MDGA2: variants seen among roughly 807,000 people sequenced by gnomAD.
The protein encoded by MDGA2 is MAM domain containing glycosylphosphatidylinositol anchor 2, also known as MAM domain-containing glycosylphosphatidylinositol anchor protein 2.
Under a neutral mutation model 117.8 loss-of-function variants are expected in MDGA2, and 40 were observed. That is an observed-to-expected ratio of 0.34 (90% CI 0.26 to 0.44). The LOEUF is 0.44. MDGA2 is among the 20% of genes least tolerant of loss of function. MDGA2 has a pLI of 1.00. For synonymous variants in MDGA2, 452 were observed against 439.0 expected (o/e 1.03, Z -0.37); for missense variants, 1,123 against 1,250.6 (o/e 0.90, Z 1.54).
intron 1 of MDGA2, among the ~76,000 whole-genome samples, chr14:47,664,226 A>T (rs944128706): frequency 6.6e-5 from 10 of 152,234 alleles, no homozygotes; most frequent in African/African-American, 2.2e-4. Context: ...TAAAGTGTTT[A>T]AAAATACTCA....
Position 46,877,557 on chromosome 14 carries a change from A to G in MDGA2, c.2417-48T>C, listed in dbSNP as rs751405859. ...AAACAAACAAAAAAACAATGTTAGCATGGCTTGAATGTCTTTTATAAATAA... is the reference window on the plus strand; with the variant it reads ...AAACAAACAAAAAAACAATGTTAGCGTGGCTTGAATGTCTTTTATAAATAA... On this transcript the variant is annotated intron_variant, in intron 11 of 16. Transcript: ENST00000399232. 3 of 1,316,342 alleles carry G rather than the reference A, an allele frequency of 2.3e-6. 1 individual carries two copies. In the South Asian group the frequency reaches 4.0e-5, roughly 18 times the overall value. The allele number at this position is 1,316,342 out of a possible 1,614,324, so 81.5% of individuals were successfully genotyped here. A position where few individuals can be genotyped will look rare whatever the true frequency, so the allele number is the denominator to read the frequency against.
chr14:47,160,732 G>A lies in MDGA2; in HGVS notation c.596-16458C>T, dbSNP rs1199231421. Reference sequence around the variant, plus strand: ...TAAAACTCTGCTGGGATTGTTCATTGAGAATCAATTAAATTCACATATAAA... The same window carrying A: ...TAAAACTCTGCTGGGATTGTTCATTAAGAATCAATTAAATTCACATATAAA... On this transcript the variant is annotated intron_variant, in intron 3 of 16. Transcript: ENST00000399232. 2.6e-5 allele frequency among the ~76,000 whole-genome samples: 4 copies of A among 152,294 alleles called. 1 individual carries two copies. The highest frequency in any genetic ancestry group is 4.1e-4 in the South Asian group (2 of 4,824).
At chr14:46,873,967 A>T in intron 13 of MDGA2, 78 bp downstream of exon 13, 1 of 1,149,030 alleles carries the variant, frequency 8.7e-7, no homozygotes, top group East Asian at 2.7e-5. Context: ...ATATATGGCT[A>T]AATATTAGTA....
chr14:47,133,158 T>A (rs1222114936), intron 4 of MDGA2, among the ~76,000 whole-genome samples: 1 of 151,684 alleles, frequency 6.6e-6, no homozygotes, highest in Admixed American at 6.6e-5. Context: ...CAATTTTTGT[T>A]TAGAAGAAAC....
At chr14:47,031,535 T>A (rs975690706) in intron 8 of MDGA2, among the ~76,000 whole-genome samples, 3 of 152,078 alleles carry the variant, frequency 2.0e-5, no homozygotes, top group Admixed American at 1.3e-4. Context: ...ATGGAAGAAA[T>A]CTGTATGCAG....
intron 1 of MDGA2, among the ~76,000 whole-genome samples, chr14:47,476,927 C>T (rs1326162122): frequency 6.6e-6 from 1 of 151,908 alleles, no homozygotes; most frequent in African/African-American, 2.4e-5. Flanking sequence ...TTTGGGAGGC[C>T]GAGGCGGGTG....
At chr14:47,168,482 T>C (rs934535402) in intron 3 of MDGA2, among the ~76,000 whole-genome samples, 2 of 152,044 alleles carry the variant, frequency 1.3e-5, no homozygotes, top group Admixed American at 1.3e-4. Flanking sequence ...TCTCAACTGA[T>C]ATAAGCTATT....
chr14:47,265,886 T>C (rs1419611951), intron 2 of MDGA2, among the ~76,000 whole-genome samples: 1 of 152,012 alleles, frequency 6.6e-6, no homozygotes, highest in Non-Finnish European at 1.5e-5. Flanking sequence ...AAAAAGCAAA[T>C]CACAAATCAC....
At chr14:47,546,530 A>G (rs547263240) in intron 1 of MDGA2, among the ~76,000 whole-genome samples, 16 of 152,198 alleles carry the variant, frequency 1.1e-4, no homozygotes, top group Non-Finnish European at 2.2e-4. Context: ...GAACCATCAT[A>G]TTTCTATGGG....
At chr14:47,444,119 C>T (rs1893071228) in intron 1 of MDGA2, 1 of 201,892 alleles carries the variant, frequency 5.0e-6, no homozygotes, top group African/African-American at 2.3e-5. Flanking sequence ...GAAAAATAAT[C>T]CCCAGGATTT....
At chr14:47,287,884 A>T (rs1418612541) in intron 2 of MDGA2, among the ~76,000 whole-genome samples, 1 of 152,124 alleles carries the variant, frequency 6.6e-6, no homozygotes, top group Non-Finnish European at 1.5e-5. Context: ...GAAGACAAGC[A>T]TGTGATAACA....
At chr14:46,931,279 AAAG>A (rs1884565248) in intron 9 of MDGA2, among the ~76,000 whole-genome samples, 1 of 151,702 alleles carries the variant, frequency 6.6e-6, no homozygotes, top group Non-Finnish European at 1.5e-5. Context: ...AGCTGGTAGG[AAAG>A]AAGGAGTAAT....
rs538934471 is a variant in MDGA2, at chr14:47,134,803, C to G, written c.793-2957G>C. Among the ~76,000 whole-genome samples, 4 of 143,254 alleles carry G rather than the reference C, an allele frequency of 2.8e-5. No homozygotes were observed. In the East Asian group the frequency reaches 7.9e-4, roughly 28 times the overall value. 94.0% of individuals were successfully genotyped at this position (143,254 alleles called of 152,430 possible). ...TATATATATATATATATATCACACA[C>G]ATAATTACTCCAAAAATAACCAACC... is the stretch of plus-strand genomic sequence containing the variant. On this transcript the variant is annotated intron_variant, in intron 4 of 16. Transcript: ENST00000399232.
intron 3 of MDGA2, among the ~76,000 whole-genome samples, chr14:47,164,751 G>A (rs1369912653): frequency 5.3e-5 from 8 of 152,130 alleles, no homozygotes; most frequent in African/African-American, 1.9e-4. Flanking sequence ...CCATTACTGG[G>A]TATATACCCA....
chr14:47,056,890 T>C (rs1405248717), intron 7 of MDGA2, among the ~76,000 whole-genome samples: 1 of 145,866 alleles, frequency 6.9e-6, no homozygotes, highest in Non-Finnish European at 1.5e-5. Flanking sequence ...GTATGTGAAG[T>C]TTTTTTATTT....
At chr14:47,665,343 C>G (rs537136018) in intron 1 of MDGA2, among the ~76,000 whole-genome samples, 6 of 152,146 alleles carry the variant, frequency 3.9e-5, no homozygotes, top group Non-Finnish European at 8.8e-5. Context: ...CATGCATAAC[C>G]TCTTTGATTT....
At position 47,042,871 on chromosome 14, in the gene MDGA2, A is replaced by G. The variant is rs564215889; in HGVS notation, c.1526-7567T>C. Among the ~76,000 whole-genome samples the G allele has an allele frequency of 1.0e-3, 155 of 152,200 alleles. 1 individual carries two copies. Among genetic ancestry groups the G allele is most frequent in the African/African-American group, 3.6e-3 (150 of 41,566 alleles). ...CTGTATTTTAAAACCTCCATACATT[A>G]ATATTTGAAATATTATAATTATCAT... On this transcript the variant is annotated intron_variant, in intron 7 of 16. Coordinates refer to ENST00000399232, the MANE Select transcript of MDGA2 (RefSeq NM_001113498.3).
chr14:46,853,043 G>A (rs1359890691), intron 15 of MDGA2, among the ~76,000 whole-genome samples: 1 of 151,722 alleles, frequency 6.6e-6, no homozygotes, highest in Non-Finnish European at 1.5e-5. Context: ...ATTAGCAATA[G>A]CAAATAATGA....
rs372488091 is a variant in MDGA2, at chr14:47,549,343, A to ATG, written c.280+125173_280+125174insCA. On this transcript the variant is annotated intron_variant, in intron 1 of 16. Transcript: ENST00000399232. ...CATGTTGATAGGTTTCACCAGTATT[A>ATG]TCTCTCTCTCTCTCTCTCTCTCTCT... 4.7e-4 allele frequency among the ~76,000 whole-genome samples: 66 copies of ATG among 140,112 alleles called. 1 individual carries two copies. Among genetic ancestry groups the ATG allele is most frequent in the Non-Finnish European group, 2.3e-4 (15 of 65,392 alleles). 91.9% of individuals were successfully genotyped at this position (140,112 alleles called of 152,430 possible). A position where few individuals can be genotyped will look rare whatever the true frequency, so the allele number is the denominator to read the frequency against.
Sources: allele counts gnomAD v4.1 joint callset (sites outside exome capture counted in the v4.1 genomes callset), GRCh38; gene constraint gnomAD v4.1.1; transcripts MANE v1.5; gene names NCBI Gene and HGNC (gene_info 2026-07-23, HGNC 2026-07-21).